EHMT1: variants seen among roughly 807,000 people sequenced by gnomAD.
EHMT1 encodes euchromatic histone lysine methyltransferase 1.
In EHMT1, 15 loss-of-function variants were observed where a neutral mutation model predicts 147.2. That is an observed-to-expected ratio of 0.10 (90% CI 0.07 to 0.16). The LOEUF (loss-of-function observed/expected upper bound fraction) is 0.16. Among genes scored for constraint, EHMT1 ranks in the 10% least tolerant of loss-of-function variants. The probability of loss-of-function intolerance (pLI) is 1.00; values close to 1 mark genes in which losing one functional copy is unlikely to be tolerated. For missense variants in EHMT1, 1,587 were observed against 1,772.4 expected (o/e 0.90, Z 1.88); for synonymous variants, 795 against 709.6 (o/e 1.12, Z -1.91).
At chr9:137,777,054 C>T in intron 12 of EHMT1, 1 of 568,134 alleles carries the variant, frequency 1.8e-6, no homozygotes, top group South Asian at 2.0e-5. Context: ...TATGTAGATC[C>T]ATTTGCCTGT....
intron 1 of EHMT1, among the ~76,000 whole-genome samples, chr9:137,634,539 A>T (rs1028478377): frequency 3.9e-5 from 6 of 152,080 alleles, no homozygotes; most frequent in Non-Finnish European, 8.8e-5. Context: ...CAGTGTAATA[A>T]GTTTTGTAAT....
intron 1 of EHMT1, among the ~76,000 whole-genome samples, chr9:137,683,570 A>G (rs912970016): frequency 1.3e-5 from 2 of 152,246 alleles, no homozygotes; most frequent in Non-Finnish European, 1.5e-5. Context: ...CTACAGGTGC[A>G]CCATCATGAC....
intron 16 of EHMT1, among the ~76,000 whole-genome samples, chr9:137,793,438 T>C (rs10867073): frequency 0.28 from 42,858 of 152,146 alleles, 6,567 homozygotes; most frequent in Admixed American, 0.41. Context: ...CACGCGTTGC[T>C]AGTGGGGATG....
At chr9:137,780,761 T>C (rs112950517) in intron 14 of EHMT1, among the ~76,000 whole-genome samples, 1 of 95,510 alleles carries the variant, frequency 1.0e-5, no homozygotes, top group Non-Finnish European at 1.9e-5. Context: ...GTGATGACGC[T>C]GGGATGTGTG....
intron 4 of EHMT1, among the ~76,000 whole-genome samples, chr9:137,737,584 A>G (rs2135944792): frequency 6.6e-6 from 1 of 152,344 alleles, no homozygotes; most frequent in East Asian, 1.9e-4. Context: ...CAAAGGCTCC[A>G]CAACCTTGGA....
At chr9:137,704,136 GC>G (rs1010923807) in intron 1 of EHMT1, among the ~76,000 whole-genome samples, 3 of 152,174 alleles carry the variant, frequency 2.0e-5, no homozygotes, top group Admixed American at 6.5e-5. Context: ...GGGGACATCT[GC>G]CCCCATGATC....
intron 1 of EHMT1, among the ~76,000 whole-genome samples, chr9:137,635,384 T>C (rs1424037884): frequency 6.6e-6 from 1 of 151,598 alleles, no homozygotes; most frequent in Non-Finnish European, 1.5e-5. Context: ...TTTTTTTTTT[T>C]TAATGTATTT....
rs977606062 is a variant in EHMT1, at chr9:137,813,682, C to T, written c.3180+152C>T. The T allele has an allele frequency of 2.5e-5, 28 of 1,135,374 alleles. No homozygotes were observed. In the East Asian group the frequency reaches 2.6e-4, roughly 10 times the overall value. 70.3% of individuals were successfully genotyped at this position (1,135,374 alleles called of 1,614,324 possible). A position where few individuals can be genotyped will look rare whatever the true frequency, so the allele number is the denominator to read the frequency against. The stretch of plus-strand genomic sequence containing the variant: ...CCTCATTCTCTTTGTAGTTGCCTCC[C>T]GTGAAAGAGCTGGAAGGCAGATAAA... On this transcript the variant is annotated intron_variant, in intron 21 of 26. Transcript: ENST00000460843. The surrounding 1 kb of genome is among the most constrained non-coding windows in gnomAD (Gnocchi z 4.9).
intron 15 of EHMT1, chr9:137,788,381 C>T (rs764234189): frequency 1.8e-4 from 58 of 321,764 alleles, no homozygotes; most frequent in Middle Eastern, 8.5e-4. Flanking sequence ...GCGCCTCAGC[C>T]GGGGTGACGC....
chr9:137,700,714 G>T (rs865986589), intron 1 of EHMT1, among the ~76,000 whole-genome samples: 2 of 152,246 alleles, frequency 1.3e-5, no homozygotes, highest in South Asian at 2.1e-4. Context: ...TTCTAATTGA[G>T]GTTTTATTAT....
chr9:137,771,945 G>A lies in EHMT1; in HGVS notation c.1648-3164G>A, dbSNP rs558219052. Among the ~76,000 whole-genome samples the A allele has an allele frequency of 1.2e-4, 18 of 152,232 alleles. 1 individual carries two copies. The South Asian group carries it at 3.7e-3, about 32-fold the overall frequency. ...ACCAGATCCAAGGAAGAGGAAGGAA[G>A]GGAGGGCATTCCCACAGCTGAGGAA... On this transcript the variant is annotated intron_variant, in intron 10 of 26. Transcript: ENST00000460843.
intron 3 of EHMT1, among the ~76,000 whole-genome samples, chr9:137,725,588 C>T (rs1415794363): frequency 2.6e-5 from 4 of 152,116 alleles, no homozygotes; most frequent in African/African-American, 4.8e-5. Flanking sequence ...GGGTAGGTTC[C>T]GCAGTAGGGA....
chr9:137,734,929 C>G (rs1179028279), intron 4 of EHMT1, among the ~76,000 whole-genome samples: 3 of 152,150 alleles, frequency 2.0e-5, no homozygotes, highest in African/African-American at 4.8e-5. Context: ...CTGACCTGGA[C>G]CTGCAAGAAA....
chr9:137,703,206 C>G (rs1257504135), intron 1 of EHMT1, among the ~76,000 whole-genome samples: 2 of 152,218 alleles, frequency 1.3e-5, no homozygotes, highest in Admixed American at 1.3e-4. Context: ...CTTCCTAGGC[C>G]TCCAGGCCTG....
intron 1 of EHMT1, among the ~76,000 whole-genome samples, chr9:137,678,606 C>T (rs1941620822): frequency 6.6e-6 from 1 of 152,068 alleles, no homozygotes; most frequent in South Asian, 2.1e-4. Flanking sequence ...CCTGAAATCA[C>T]AGATAGTACT....
chr9:137,751,889 G>A (rs935191442), intron 6 of EHMT1, among the ~76,000 whole-genome samples: 1 of 152,150 alleles, frequency 6.6e-6, no homozygotes, highest in African/African-American at 2.4e-5. Context: ...TGTGGGGGTA[G>A]GTCTCACACT....
At chr9:137,760,497 G>A (rs183440682) in intron 9 of EHMT1, among the ~76,000 whole-genome samples, 2 of 152,322 alleles carry the variant, frequency 1.3e-5, no homozygotes, top group Non-Finnish European at 2.9e-5. Flanking sequence ...CTGGTCTTTA[G>A]GGGTTTGGGT....
intron 10 of EHMT1, among the ~76,000 whole-genome samples, chr9:137,772,050 T>C (rs1386180210): frequency 6.6e-6 from 1 of 152,164 alleles, no homozygotes; most frequent in African/African-American, 2.4e-5. Flanking sequence ...GCAGAGCCTG[T>C]GGGCACTGGG....
intron 1 of EHMT1, chr9:137,676,397 A>C (rs11137178): frequency 0.18 from 27,428 of 151,576 alleles, 2,699 homozygotes; most frequent in Admixed American, 0.31. Context: ...ACAGGGTCTC[A>C]CTCTGTTGCC....
Sources: allele counts gnomAD v4.1 joint callset (sites outside exome capture counted in the v4.1 genomes callset), GRCh38; gene constraint gnomAD v4.1.1; non-coding constraint Gnocchi (gnomAD v3.1); transcripts MANE v1.5; gene names NCBI Gene and HGNC (gene_info 2026-07-23, HGNC 2026-07-21).